CDS1: variants seen among roughly 807,000 people sequenced by gnomAD.
The protein encoded by CDS1 is phosphatidate cytidylyltransferase 1.
CDS1 carries 41 observed loss-of-function variants against 62.1 expected under a neutral mutation model. The observed-to-expected ratio is 0.66, with a 90% confidence interval of 0.51 to 0.86. The LOEUF is 0.86. CDS1 is among the 40% of genes least tolerant of loss of function. The pLI, the probability that CDS1 is intolerant of heterozygous loss-of-function variation, is 0.00. For synonymous variants in CDS1, 185 were observed against 192.6 expected (o/e 0.96, Z 0.32); for missense variants, 470 against 550.1 (o/e 0.85, Z 1.46).
intron 1 of CDS1, among the ~76,000 whole-genome samples, chr4:84,593,996 G>A (rs1286075514): frequency 1.3e-5 from 2 of 152,118 alleles, no homozygotes; most frequent in Admixed American, 1.3e-4. Flanking sequence ...GTGGGGGTGT[G>A]ACTGAAGTCC....
At chr4:84,608,147 AG>A (rs1723188987) in intron 2 of CDS1, among the ~76,000 whole-genome samples, 1 of 152,212 alleles carries the variant, frequency 6.6e-6, no homozygotes, top group African/African-American at 2.4e-5. Context: ...CTCTGCTCTG[AG>A]GAGCAAAGAA....
intron 10 of CDS1, among the ~76,000 whole-genome samples, chr4:84,642,049 C>T (rs1039552597): frequency 3.3e-5 from 5 of 152,138 alleles, no homozygotes; most frequent in Admixed American, 1.3e-4. Flanking sequence ...ATGTCTCAGC[C>T]GGGCACATTG....
At chr4:84,620,192 A>G (rs1008322069) in intron 5 of CDS1, among the ~76,000 whole-genome samples, 2 of 149,558 alleles carry the variant, frequency 1.3e-5, no homozygotes, top group Non-Finnish European at 3.0e-5. Context: ...GAGCTTTTTC[A>G]TGTAGAACTA....
At position 84,623,756 on chromosome 4, in the gene CDS1, G is replaced by A. The variant is rs886581099; in HGVS notation, c.580+4223G>A. Among the ~76,000 whole-genome samples the A allele has an allele frequency of 4.6e-5, 7 of 152,088 alleles. No individual in the cohort carries two copies. The South Asian group carries it at 6.2e-4, about 14-fold the overall frequency. Reference sequence around the variant, plus strand: ...GCGGATTGGCGGGCTTAACTTAGCCGTTCTAACCCCAGGCCTCTCACGTGG... The same window carrying A: ...GCGGATTGGCGGGCTTAACTTAGCCATTCTAACCCCAGGCCTCTCACGTGG... On this transcript the variant is annotated intron_variant, in intron 5 of 12. Transcript: ENST00000295887.
chr4:84,583,285 C>G lies in CDS1; in HGVS notation c.-117C>G, dbSNP rs1401924947. The G allele has an allele frequency of 2.9e-6, 2 of 684,894 alleles. No individual in the cohort carries two copies. The highest frequency in any genetic ancestry group is 3.2e-5 in the East Asian group (1 of 31,084). 42.4% of individuals were successfully genotyped at this position (684,894 alleles called of 1,614,324 possible). On this transcript the variant is annotated 5_prime_UTR_variant, in exon 1 of 13. Coordinates refer to ENST00000295887, the MANE Select transcript of CDS1 (RefSeq NM_001263.4). ...TGGGGCCGCGTTAGTGGCTGCGGCT[C>G]CGCGGGACTCCAGGGCGCGGCTGCG...
intron 5 of CDS1, among the ~76,000 whole-genome samples, chr4:84,631,106 T>C (rs1724006042): frequency 6.6e-6 from 1 of 152,208 alleles, no homozygotes; most frequent in Non-Finnish European, 1.5e-5. Context: ...TACATTTTAC[T>C]ATAATTATTG....
At chr4:84,617,018 T>C (rs1337800690) in intron 3 of CDS1, among the ~76,000 whole-genome samples, 3 of 152,036 alleles carry the variant, frequency 2.0e-5, no homozygotes, top group South Asian at 2.1e-4. Context: ...TATGGGAGAG[T>C]TGACACAACT....
rs770525971 is a variant in CDS1 at position 84,640,952 on chromosome 4, TA to T, written c.995del (p.Tyr332SerfsTer7). The T allele has an allele frequency of 6.2e-7, 1 of 1,609,404 alleles. No homozygotes were observed. The highest frequency in any genetic ancestry group is 1.1e-5 in the South Asian group (1 of 90,414). On this transcript the variant is annotated frameshift_variant, in exon 10 of 13. Transcript: ENST00000295887. LOFTEE classifies it high-confidence loss of function. Reference sequence around the variant, plus strand: ...CTCAGAACTTTTCCAGCTTCAGACTTACTCACTTCCACCCTTTCTAAAGGCA... The same window carrying T: ...CTCAGAACTTTTCCAGCTTCAGACTTCTCACTTCCACCCTTTCTAAAGGCA... ...EPSELFQLQT[Y>X]SLPPFLKAVL...
At chr4:84,637,012 T>A (rs1724232520) in intron 8 of CDS1, among the ~76,000 whole-genome samples, 1 of 152,224 alleles carries the variant, frequency 6.6e-6, no homozygotes, top group East Asian at 1.9e-4. Context: ...CAGAGTGGTA[T>A]GAGGGTAGTT....
chr4:84,587,436 C>G (rs1722453158), intron 1 of CDS1, among the ~76,000 whole-genome samples: 1 of 152,004 alleles, frequency 6.6e-6, no homozygotes, highest in South Asian at 2.1e-4. Context: ...CATTTAATAG[C>G]TGAGAATAAG....
At chr4:84,613,935 T>C (rs1723410719) in intron 3 of CDS1, among the ~76,000 whole-genome samples, 2 of 152,216 alleles carry the variant, frequency 1.3e-5, no homozygotes, top group African/African-American at 2.4e-5. Flanking sequence ...GTGATCAAAT[T>C]ACTTTGGAAA....
intron 3 of CDS1, among the ~76,000 whole-genome samples, chr4:84,616,088 A>G (rs1186372057): frequency 6.6e-6 from 1 of 152,256 alleles, no homozygotes; most frequent in Non-Finnish European, 1.5e-5. Flanking sequence ...CATAGAAATT[A>G]CATCAGTATG....
intron 3 of CDS1, among the ~76,000 whole-genome samples, chr4:84,614,631 T>A (rs1723430904): frequency 6.6e-6 from 1 of 152,152 alleles, no homozygotes; most frequent in Non-Finnish European, 1.5e-5. Flanking sequence ...GAACTTCTAG[T>A]CCATACCTCG....
intron 5 of CDS1, among the ~76,000 whole-genome samples, chr4:84,630,312 C>A (rs1004540842): frequency 8.5e-5 from 13 of 152,050 alleles, no homozygotes; most frequent in African/African-American, 2.9e-4. Flanking sequence ...TCATTTGTGC[C>A]TCCACTCAGA....
Position 84,635,318 on chromosome 4 carries a change from T to G in CDS1, c.777T>G (p.Phe259Leu). 1 of 1,583,152 alleles carries G rather than the reference T, an allele frequency of 6.3e-7. No individual in the cohort carries two copies. The highest frequency in any genetic ancestry group is 8.6e-7 in the Non-Finnish European group (1 of 1,156,794). The stretch of plus-strand genomic sequence containing the variant: ...GCAATGACATAACTGCTTACCTTTT[T>G]GGATTTTTTTTTGGGAGAACTCCAT... ...VICNDITAYL[F>L]GFFFGRTPLI... Residue 259 changes from phenylalanine (F) to leucine (L), a missense_variant, in exon 8 of 13, where the codon TTT becomes TTG. This residue lies in a region of CDS1 where 214 missense variants were observed against 242.4 expected (regional missense o/e 0.88). Transcript: ENST00000295887.
chr4:84,640,734 T>G, intron 9 of CDS1, 104 bp from the exon 10 acceptor site: 1 of 874,920 alleles, frequency 1.1e-6, no homozygotes, highest in Non-Finnish European at 1.6e-6. Context: ...TGGCATTCTA[T>G]CTCTGGCCTT....
intron 5 of CDS1, among the ~76,000 whole-genome samples, chr4:84,622,484 C>T (rs7689916): frequency 0.52 from 78,392 of 151,876 alleles, 23,305 homozygotes; most frequent in African/African-American, 0.83. Flanking sequence ...TCCCAGCTAT[C>T]TGGGAGGCTG....
intron 1 of CDS1, among the ~76,000 whole-genome samples, chr4:84,591,709 C>G (rs1241219312): frequency 6.6e-6 from 1 of 152,128 alleles, no homozygotes; most frequent in African/African-American, 2.4e-5. Flanking sequence ...ATTTGACAGC[C>G]TAAATGCCCT....
intron 2 of CDS1, among the ~76,000 whole-genome samples, chr4:84,608,334 C>A (rs897751427): frequency 3.3e-5 from 5 of 152,080 alleles, no homozygotes; most frequent in Non-Finnish European, 7.4e-5. Context: ...CCACTATGCC[C>A]GGCTAATTGT....
Sources: gnomAD v4.1 joint callset for allele counts (sites outside exome capture counted in the v4.1 genomes callset) on GRCh38, gnomAD v4.1.1 for gene constraint, gnomAD v4.1.1 regional missense constraint, MANE v1.5 for transcripts, NCBI Gene and HGNC (gene_info 2026-07-23, HGNC 2026-07-21) for gene names.